The following PGM2L1 variants were observed in gnomAD, a reference collection of about 807,000 sequenced individuals.
PGM2L1 encodes the protein phosphoglucomutase 2 like 1.
A neutral mutation model predicts 73.4 loss-of-function variants in PGM2L1; 35 were observed. That is an observed-to-expected ratio of 0.48 (90% CI 0.36 to 0.63). PGM2L1 has a LOEUF of 0.63. Among genes scored for constraint, PGM2L1 ranks in the 30% least tolerant of loss-of-function variants. PGM2L1 has a pLI of 0.00. For missense variants in PGM2L1, 570 were observed against 742.0 expected (o/e 0.77, Z 2.69); for synonymous variants, 225 against 253.8 (o/e 0.89, Z 1.08).
At position 74,368,568 on chromosome 11, in the gene PGM2L1, G is replaced by T. The variant is rs1015203486; in HGVS notation, c.479C>A (p.Ala160Glu). 1 of 1,612,988 alleles carries T rather than the reference G, an allele frequency of 6.2e-7. No homozygotes were observed. Among genetic ancestry groups the T allele is most frequent in the African/African-American group, 1.3e-5 (1 of 74,902 alleles). Residue 160 changes from alanine to glutamate, a missense_variant, in exon 5 of 14, where the codon GCA (alanine) becomes GAA (glutamate). Coordinates refer to ENST00000298198, the MANE Select transcript of PGM2L1 (RefSeq NM_173582.6). ...RYVPTPFVPY[A>E]VQKLKAVAGV... ...TGCAACTGCTTTGAGCTTCTGAACT[G>T]CATATGGCTGAAAAATAAATAACAC... is the stretch of plus-strand genomic sequence containing the variant.
chr11:74,397,988 C>T, intron 1 of PGM2L1, 63 bp downstream of exon 1: 2 of 1,481,076 alleles, frequency 1.4e-6, no homozygotes, highest in Admixed American at 4.5e-5. Flanking sequence ...GCTGGGTGGG[C>T]ACAGGAAAGA....
At chr11:74,375,279 T>C (rs1862839252) in intron 1 of PGM2L1, among the ~76,000 whole-genome samples, 1 of 152,222 alleles carries the variant, frequency 6.6e-6, no homozygotes, top group African/African-American at 2.4e-5. Context: ...CCAACATCTA[T>C]ATTTGGGATT....
intron 2 of PGM2L1, among the ~76,000 whole-genome samples, chr11:74,374,093 C>CT (rs1253583876): frequency 7.8e-5 from 11 of 140,142 alleles, no homozygotes; most frequent in African/African-American, 1.5e-4. Flanking sequence ...AAAAAGTACA[C>CT]TTTTTTTTTG....
rs1862084187 is a variant in PGM2L1, at chr11:74,335,613, T to C, written c.*1039A>G. ...TCTTAGTAAAATTAACATTACTTCA[T>C]AAAATAAAAGAATAAATCTACTTAC... On this transcript the variant is annotated 3_prime_UTR_variant, in exon 14 of 14. Transcript: ENST00000298198. 2 of 152,114 alleles carry C rather than the reference T, an allele frequency of 1.3e-5. No individual in the cohort carries two copies. The highest frequency in any genetic ancestry group is 6.6e-5 in the Admixed American group (1 of 15,266). The allele number at this position is 152,114 out of a possible 1,614,324, so 9.4% of individuals were successfully genotyped here. A position where few individuals can be genotyped will look rare whatever the true frequency, so the allele number is the denominator to read the frequency against.
At chr11:74,339,377 G>C (rs1000684959) in intron 12 of PGM2L1, among the ~76,000 whole-genome samples, 1 of 152,170 alleles carries the variant, frequency 6.6e-6, no homozygotes, top group African/African-American at 2.4e-5. Context: ...ACATCCGTCT[G>C]TTGAGGCATC....
chr11:74,388,943 ACTAATCAAC>A (rs1256958759), intron 1 of PGM2L1, among the ~76,000 whole-genome samples: 4 of 152,224 alleles, frequency 2.6e-5, no homozygotes, highest in African/African-American at 7.2e-5. Flanking sequence ...GCACTAAATT[ACTAATCAAC>A]CTTTTATTTT....
intron 2 of PGM2L1, among the ~76,000 whole-genome samples, chr11:74,373,163 T>C (rs538191725): frequency 3.9e-5 from 6 of 152,302 alleles, no homozygotes; most frequent in Admixed American, 6.5e-5. Flanking sequence ...TGTGCACTTC[T>C]GTAGAAATTG....
intron 5 of PGM2L1, among the ~76,000 whole-genome samples, chr11:74,356,114 C>T (rs1441149696): frequency 5.3e-5 from 8 of 151,234 alleles, no homozygotes; most frequent in Admixed American, 4.6e-4. Flanking sequence ...TGGTAAATTT[C>T]CCCAACAGTG....
At chr11:74,347,612 C>T (rs1310443743) in intron 6 of PGM2L1, among the ~76,000 whole-genome samples, 1 of 152,170 alleles carries the variant, frequency 6.6e-6, no homozygotes, top group Non-Finnish European at 1.5e-5. Flanking sequence ...CTTGTATCAT[C>T]TAAGTAAATA....
chr11:74,362,735 G>T (rs1016709046), intron 5 of PGM2L1, among the ~76,000 whole-genome samples: 1 of 151,488 alleles, frequency 6.6e-6, no homozygotes, highest in Non-Finnish European at 1.5e-5. Context: ...AAAGGCAGGG[G>T]TTGCAATCCT....
chr11:74,378,067 C>T (rs1862883157), intron 1 of PGM2L1, among the ~76,000 whole-genome samples: 1 of 152,022 alleles, frequency 6.6e-6, no homozygotes. Context: ...TTTGGGAGGT[C>T]GAGGCGGGCG....
intron 8 of PGM2L1, among the ~76,000 whole-genome samples, 174 bp from the exon 9 acceptor site, chr11:74,345,823 G>T (rs748452323): frequency 6.6e-6 from 1 of 152,034 alleles, no homozygotes; most frequent in East Asian, 1.9e-4. Context: ...GTGATTTTAC[G>T]GTAGGAATGG....
At chr11:74,351,904 G>T (rs540563670) in intron 5 of PGM2L1, among the ~76,000 whole-genome samples, 2 of 151,644 alleles carry the variant, frequency 1.3e-5, no homozygotes, top group Admixed American at 1.3e-4. Flanking sequence ...GGAGCTTGCA[G>T]TGAGCTGAGA....
chr11:74,350,869 C>T (rs886116789), intron 6 of PGM2L1, among the ~76,000 whole-genome samples: 1 of 150,680 alleles, frequency 6.6e-6, no homozygotes, highest in Non-Finnish European at 1.5e-5. Context: ...AAGAGCGAGA[C>T]TCTGTCTCAA....
chr11:74,391,834 G>T lies in PGM2L1; in HGVS notation c.111+6217C>A, dbSNP rs1040587153. ...CTAGGTACCTTATATAAGCTGGTAT[G>T]GGTTTTCTCTGTTTTCATGTATACA... On this transcript the variant is annotated intron_variant, in intron 1 of 13. Coordinates refer to ENST00000298198, the MANE Select transcript of PGM2L1 (RefSeq NM_173582.6). 3.2e-3 allele frequency among the ~76,000 whole-genome samples: 312 copies of T among 98,910 alleles called. 2 individuals carry two copies. The highest frequency in any genetic ancestry group is 0.013 in the African/African-American group (300 of 23,088). The allele number at this position is 98,910 out of a possible 152,430, so 64.9% of individuals were successfully genotyped here.
chr11:74,386,480 C>CT (rs1306684484), intron 1 of PGM2L1, among the ~76,000 whole-genome samples: 1,605 of 141,694 alleles, frequency 0.011, 25 homozygotes, highest in African/African-American at 0.036. Context: ...AAAAAAAAAA[C>CT]TTTTTTTTTT....
chr11:74,382,091 G>A (rs1164656655), intron 1 of PGM2L1, among the ~76,000 whole-genome samples: 1 of 151,918 alleles, frequency 6.6e-6, no homozygotes, highest in Non-Finnish European at 1.5e-5. Flanking sequence ...TTGATTAAGA[G>A]TTTTTAAAAT....
chr11:74,376,140 T>A (rs1862849768), intron 1 of PGM2L1, among the ~76,000 whole-genome samples: 1 of 152,216 alleles, frequency 6.6e-6, no homozygotes, highest in Non-Finnish European at 1.5e-5. Flanking sequence ...TCCACAAAAA[T>A]ACCTTCACAT....
chr11:74,340,564 C>G (rs1216412150), intron 12 of PGM2L1, among the ~76,000 whole-genome samples: 1 of 152,160 alleles, frequency 6.6e-6, no homozygotes, highest in East Asian at 1.9e-4. Context: ...GAGACCACAT[C>G]AGAACATTAC....
Sources: allele counts gnomAD v4.1 joint callset (sites outside exome capture counted in the v4.1 genomes callset), GRCh38; gene constraint gnomAD v4.1.1; transcripts MANE v1.5; gene names NCBI Gene and HGNC (gene_info 2026-07-23, HGNC 2026-07-21).